Variants in NECAB1 observed in about 807,000 individuals in gnomAD.
NECAB1 encodes the protein N-terminal EF-hand calcium-binding protein 1.
A neutral mutation model predicts 57.5 loss-of-function variants in NECAB1; 29 were observed. That is an observed-to-expected ratio of 0.50 (90% confidence interval 0.38 to 0.69). The LOEUF (loss-of-function observed/expected upper bound fraction) is 0.69. Ranked by LOEUF, NECAB1 falls within the 30% of genes least tolerant of loss-of-function variation. The pLI, the probability that NECAB1 is intolerant of heterozygous loss-of-function variation, is 0.00. For missense variants in NECAB1, 372 were observed against 413.8 expected (o/e 0.90, Z 0.88); for synonymous variants, 142 against 147.7 (o/e 0.96, Z 0.28).
intron 3 of NECAB1, among the ~76,000 whole-genome samples, chr8:90,845,961 A>T (rs1236935678): frequency 6.6e-6 from 1 of 152,226 alleles, no homozygotes; most frequent in Admixed American, 6.5e-5. Flanking sequence ...TCTTCCTTTA[A>T]GTTGCTGGGA....
chr8:90,792,055 C>T (rs1811584396), intron 1 of NECAB1, 70 bp downstream of exon 1: 2 of 1,272,946 alleles, frequency 1.6e-6, no homozygotes, highest in Non-Finnish European at 1.1e-6. Context: ...GGAAGGGGTT[C>T]GGCTCAGGTG....
intron 3 of NECAB1, among the ~76,000 whole-genome samples, chr8:90,825,660 C>T (rs994458822): frequency 2.0e-5 from 3 of 151,718 alleles, no homozygotes; most frequent in African/African-American, 7.3e-5. Flanking sequence ...TGCTCTTGGG[C>T]TACATCTATA....
chr8:90,846,398 T>A (rs1812559223), intron 3 of NECAB1, among the ~76,000 whole-genome samples: 1 of 152,232 alleles, frequency 6.6e-6, no homozygotes. Context: ...TTTATTGCCA[T>A]CAAAATGGAA....
Position 90,831,989 on chromosome 8 carries a change from C to T in NECAB1, c.233+7164C>T, listed in dbSNP as rs1812304797. 2.6e-5 allele frequency among the ~76,000 whole-genome samples: 4 copies of T among 152,104 alleles called. No homozygotes were observed. In the South Asian group the frequency reaches 6.2e-4, roughly 24 times the overall value. ...TTAGAGGCTGAAAATTGAAGTCTTA[C>T]ACTTTTACCAGGACTCACTCTAAAC... On this transcript the variant is annotated intron_variant, in intron 3 of 12. Transcript: ENST00000417640.
chr8:90,856,560 A>G (rs1222617344), intron 3 of NECAB1, among the ~76,000 whole-genome samples: 3 of 152,266 alleles, frequency 2.0e-5, no homozygotes, highest in African/African-American at 7.2e-5. Context: ...AATAGTTTAT[A>G]TAGTTCAATA....
intron 12 of NECAB1, among the ~76,000 whole-genome samples, chr8:90,954,800 A>C (rs1347466595): frequency 2.0e-5 from 3 of 149,168 alleles, no homozygotes; most frequent in African/African-American, 7.3e-5. Flanking sequence ...AATAAATCAC[A>C]CATGTATTTA....
intron 2 of NECAB1, among the ~76,000 whole-genome samples, chr8:90,809,436 A>T (rs1290925439): frequency 6.6e-6 from 1 of 152,248 alleles, no homozygotes; most frequent in East Asian, 1.9e-4. Flanking sequence ...AAAAATTTCC[A>T]TATTAGAGCT....
chr8:90,902,524 T>C (rs1208342450), intron 5 of NECAB1, among the ~76,000 whole-genome samples: 1 of 152,174 alleles, frequency 6.6e-6, no homozygotes, highest in African/African-American at 2.4e-5. Context: ...CTGTCTCTCT[T>C]CATGTGTGTA....
intron 5 of NECAB1, among the ~76,000 whole-genome samples, chr8:90,899,683 ATG>A (rs1460959433): frequency 6.6e-6 from 1 of 152,130 alleles, no homozygotes; most frequent in Non-Finnish European, 1.5e-5. Context: ...CTTGTCCCTC[ATG>A]TGTGTGATAT....
At chr8:90,820,962 C>G in intron 2 of NECAB1, among the ~76,000 whole-genome samples, 1 of 151,770 alleles carries the variant, frequency 6.6e-6, no homozygotes, top group South Asian at 2.1e-4. Context: ...TCTCAATAGC[C>G]AGGCATTTAC....
intron 3 of NECAB1, among the ~76,000 whole-genome samples, chr8:90,858,465 G>A (rs367845942): frequency 9.9e-5 from 15 of 152,012 alleles, no homozygotes; most frequent in African/African-American, 3.4e-4. Context: ...TCTATATAAA[G>A]GGTTTTGAAC....
At chr8:90,941,119 G>A (rs899657573) in intron 10 of NECAB1, among the ~76,000 whole-genome samples, 3 of 152,072 alleles carry the variant, frequency 2.0e-5, no homozygotes, top group Admixed American at 1.3e-4. Context: ...TTTAAACCCC[G>A]TGTCGTCTGA....
intron 5 of NECAB1, among the ~76,000 whole-genome samples, chr8:90,916,567 C>A (rs930916332): frequency 6.6e-6 from 1 of 150,780 alleles, no homozygotes; most frequent in Admixed American, 6.6e-5. Context: ...ACAAATAAAT[C>A]TTTTCCTTGG....
At chr8:90,947,351 C>CACACACACACAA (rs1342952213) in intron 10 of NECAB1, among the ~76,000 whole-genome samples, 1 of 125,200 alleles carries the variant, frequency 8.0e-6, no homozygotes, top group Non-Finnish European at 1.7e-5. Flanking sequence ...CACACACACA[C>CACACACACACAA]AATAAGCCAA....
intron 3 of NECAB1, among the ~76,000 whole-genome samples, chr8:90,843,906 CA>C (rs1207830743): frequency 6.6e-6 from 1 of 152,124 alleles, no homozygotes; most frequent in East Asian, 1.9e-4. Context: ...AGGGACTTCC[CA>C]AAATTATGAC....
At chr8:90,875,723 G>A (rs182111218) in intron 4 of NECAB1, among the ~76,000 whole-genome samples, 2 of 148,302 alleles carry the variant, frequency 1.3e-5, no homozygotes, top group Admixed American at 1.3e-4. Flanking sequence ...AAAAACTGAG[G>A]GTACGGGGGC....
chr8:90,921,899 G>A (rs1810123561), intron 6 of NECAB1, among the ~76,000 whole-genome samples: 1 of 152,194 alleles, frequency 6.6e-6, no homozygotes. Context: ...CTGCAGTAAT[G>A]AGGTAGACAT....
At chr8:90,844,516 TA>T (rs1812519572) in intron 3 of NECAB1, among the ~76,000 whole-genome samples, 2 of 152,196 alleles carry the variant, frequency 1.3e-5, no homozygotes, top group Non-Finnish European at 2.9e-5. Context: ...GCATTCTTTC[TA>T]TCTGCAGATG....
intron 5 of NECAB1, among the ~76,000 whole-genome samples, chr8:90,885,070 G>T (rs1331390696): frequency 1.3e-5 from 2 of 152,218 alleles, no homozygotes; most frequent in Admixed American, 6.5e-5. Flanking sequence ...AACTGGGTAA[G>T]GAGGAGATAG....
Sources: gnomAD v4.1 joint callset for allele counts (sites outside exome capture counted in the v4.1 genomes callset) on GRCh38, gnomAD v4.1.1 for gene constraint, MANE v1.5 for transcripts, NCBI Gene and HGNC (gene_info 2026-07-23, HGNC 2026-07-21) for gene names.